The following JADE2 variants were observed in gnomAD, a reference collection of about 807,000 sequenced individuals.
The protein encoded by JADE2 is jade family PHD finger 2, also known as E3 ubiquitin-protein ligase Jade-2.
In JADE2, 13 loss-of-function variants were observed where a neutral mutation model predicts 85.7. That is an observed-to-expected ratio of 0.15 (90% CI 0.10 to 0.24). JADE2 has a LOEUF of 0.24. JADE2 is among the 10% of genes least tolerant of loss of function. The pLI is 1.00. For synonymous variants in JADE2, 440 were observed against 456.1 expected (o/e 0.96, Z 0.45); for missense variants, 846 against 1,115.9 (o/e 0.76, Z 3.45).
chr5:134,573,536 G>A (rs915794711), intron 9 of JADE2, 109 bp from the exon 10 acceptor site: 61 of 777,424 alleles, frequency 7.8e-5, no homozygotes, highest in Middle Eastern at 2.7e-4. Context: ...AGGCTGTGGC[G>A]GTAGCCTGTG....
rs1285664939 is a variant in JADE2, at chr5:134,533,067, G to A, written c.1-2791G>A. On this transcript the variant is annotated intron_variant, in intron 1 of 11. Transcript: ENST00000681547. ...ACAGGGTTAGATGGGGAATTGGCTT[G>A]GTGCGGGGTGTAGGTCTGCATGCTG... 2.0e-5 allele frequency among the ~76,000 whole-genome samples: 3 copies of A among 152,314 alleles called. No homozygotes were observed. In the East Asian group the frequency reaches 5.8e-4, roughly 29 times the overall value.
intron 10 of JADE2, among the ~76,000 whole-genome samples, chr5:134,576,192 C>G (rs1286347499): frequency 6.6e-6 from 1 of 152,028 alleles, no homozygotes. Flanking sequence ...GAGCAAGACT[C>G]TCTCTCAAAA....
chr5:134,573,812 C>T (rs370586989), intron 10 of JADE2, 50 bp downstream of exon 10: 56 of 1,151,728 alleles, frequency 4.9e-5, no homozygotes, highest in South Asian at 7.3e-5. Flanking sequence ...CCCTCTCTTG[C>T]GGGGCTGGGT....
At chr5:134,529,180 C>G (rs1307938699) in intron 1 of JADE2, among the ~76,000 whole-genome samples, 1 of 152,208 alleles carries the variant, frequency 6.6e-6, no homozygotes, top group Admixed American at 6.5e-5. Flanking sequence ...ATGCAGCAGG[C>G]TTTTTGGGAC....
In JADE2 at chr5:134,566,054, C is replaced by T. The variant is rs1001861358; in HGVS notation, c.970-62C>T. ...CAGTAGAGCCCTGGGGGAAGCCCCT[C>T]TGTCTTCTCCCCTCCCACCAGGCTC... On this transcript the variant is annotated intron_variant, in intron 8 of 11. Coordinates refer to ENST00000681547, the MANE Select transcript of JADE2 (RefSeq NM_001388185.1). This position sits in a 1 kb window ranked among gnomAD's most constrained non-coding sequence, Gnocchi z 6.7. The T allele has an allele frequency of 1.4e-6, 2 of 1,408,072 alleles. No homozygotes were observed. The highest frequency in any genetic ancestry group is 1.8e-5 in the Admixed American group (1 of 54,696). 87.2% of individuals were successfully genotyped at this position (1,408,072 alleles called of 1,614,324 possible).
At chr5:134,537,923 C>A in intron 2 of JADE2, 66 bp from the exon 3 acceptor site, 1 of 1,194,760 alleles carries the variant, frequency 8.4e-7, no homozygotes, top group Non-Finnish European at 1.2e-6. Flanking sequence ...GCTTCCTATT[C>A]TTGGGCATGA....
At position 134,525,952 on chromosome 5, in the gene JADE2, G is replaced by T. The variant is rs757467070; in HGVS notation, c.-60G>T. 2.8e-3 allele frequency: 2,741 copies of T among 985,930 alleles called. 5 individuals carry two copies. Among genetic ancestry groups the T allele is most frequent in the Non-Finnish European group, 3.2e-3 (2,623 of 830,590 alleles). The allele number at this position is 985,930 out of a possible 1,614,324, so 61.1% of individuals were successfully genotyped here. On this transcript the variant is annotated 5_prime_UTR_variant, in exon 1 of 12. Transcript: ENST00000681547. ...GCTTCGGGAGCATCCTTCCCGCGCC[G>T]GTCCCTGCAGCGGCGCGTAGCCGAG...
Position 134,525,825 on chromosome 5 carries a change from G to A in JADE2, c.-187G>A. ...CTGCGGGCCGACCGTCCCCGGCGGG[G>A]GGCGTGGGGCCTGGGACGCCGCGGG... is the stretch of plus-strand genomic sequence containing the variant. On this transcript the variant is annotated 5_prime_UTR_variant, in exon 1 of 12. Coordinates refer to ENST00000681547, the MANE Select transcript of JADE2 (RefSeq NM_001388185.1). The A allele has an allele frequency of 5.9e-6, 6 of 1,011,540 alleles. No individual in the cohort carries two copies. The highest frequency in any genetic ancestry group is 7.1e-6 in the Non-Finnish European group (6 of 844,502). The allele number at this position is 1,011,540 out of a possible 1,614,324, so 62.7% of individuals were successfully genotyped here.
At chr5:134,536,233 A>G (rs902456105) in intron 2 of JADE2, among the ~76,000 whole-genome samples, 1 of 152,156 alleles carries the variant, frequency 6.6e-6, no homozygotes, top group Non-Finnish European at 1.5e-5. Flanking sequence ...GAAGGTCCAT[A>G]TAGAAAGTCT....
In JADE2 at chr5:134,526,182, T is replaced by A. The variant is rs998079023; in HGVS notation, c.-1+171T>A. The A allele has an allele frequency of 8.1e-6, 8 of 985,326 alleles. No individual in the cohort carries two copies. The South Asian group carries it at 3.3e-4, about 41-fold the overall frequency. The allele number at this position is 985,326 out of a possible 1,614,324, so 61.0% of individuals were successfully genotyped here. On this transcript the variant is annotated intron_variant, in intron 1 of 11. Transcript: ENST00000681547. ...GAAGCCAGCGCGGAGAGGGGGGGGA[T>A]GCACAGCACAGGGGAGAGAGATTGC...
intron 10 of JADE2, chr5:134,574,114 G>T: frequency 5.7e-6 from 2 of 351,496 alleles, no homozygotes; most frequent in Non-Finnish European, 1.1e-5. Flanking sequence ...GGCAGGAAGG[G>T]CCAGAAGCTG....
chr5:134,543,200 G>A (rs58031133), intron 3 of JADE2, among the ~76,000 whole-genome samples: 104,787 of 151,448 alleles, frequency 0.69, 36,633 homozygotes, highest in African/African-American at 0.76. Context: ...ATGCCTGGCT[G>A]ATTTTTGTAT....
At position 134,578,758 on chromosome 5, in the gene JADE2, AACC is replaced by A. The variant is rs527326162; in HGVS notation, c.1962_1964del (p.Pro655del). 6 of 1,613,388 alleles carry A rather than the reference AACC, an allele frequency of 3.7e-6. No homozygotes were observed. The highest frequency in any genetic ancestry group is 2.2e-5 in the East Asian group (1 of 44,864). ...CGCACCCGCCTGCCTGCCAAGAAGA[AACC>A]ACCACCACCACCACCGCAGGACGGG... On this transcript the variant is annotated inframe_deletion, in exon 12 of 12. Coordinates refer to ENST00000681547, the MANE Select transcript of JADE2 (RefSeq NM_001388185.1). This position sits in a 1 kb window ranked among gnomAD's most constrained non-coding sequence, Gnocchi z 4.4.
intron 10 of JADE2, among the ~76,000 whole-genome samples, chr5:134,576,011 G>A (rs1375086589): frequency 6.6e-6 from 1 of 152,122 alleles, no homozygotes; most frequent in Non-Finnish European, 1.5e-5. Flanking sequence ...GACCAGTCTG[G>A]GCAAAATAGC....
At chr5:134,569,144 C>T (rs1359058239) in intron 9 of JADE2, among the ~76,000 whole-genome samples, 2 of 152,242 alleles carry the variant, frequency 1.3e-5, no homozygotes, top group East Asian at 3.8e-4. Context: ...GGGGACAAAG[C>T]TTAGCACAGT....
intron 3 of JADE2, among the ~76,000 whole-genome samples, chr5:134,550,229 T>C (rs1329617432): frequency 1.3e-5 from 2 of 152,254 alleles, no homozygotes; most frequent in East Asian, 1.9e-4. Context: ...TAAATTATAT[T>C]GGCAAGTAAA....
At chr5:134,547,207 A>G (rs1762344950) in intron 3 of JADE2, among the ~76,000 whole-genome samples, 1 of 152,218 alleles carries the variant, frequency 6.6e-6, no homozygotes, top group South Asian at 2.1e-4. Flanking sequence ...GTTTCTGGAG[A>G]AGCGTCCCTA....
In JADE2 at chr5:134,525,845, C is replaced by T. The variant is rs1385389277; in HGVS notation, c.-167C>T. ...GCGGGGGGCGTGGGGCCTGGGACGC[C>T]GCGGGCCCGGCCGCCTCCCTCGCCG... On this transcript the variant is annotated 5_prime_UTR_variant, in exon 1 of 12. Coordinates refer to ENST00000681547, the MANE Select transcript of JADE2 (RefSeq NM_001388185.1). 1 of 992,342 alleles carries T rather than the reference C, an allele frequency of 1.0e-6. No individual in the cohort carries two copies. The highest frequency in any genetic ancestry group is 1.1e-4 in the East Asian group (1 of 8,902). The allele number at this position is 992,342 out of a possible 1,614,324, so 61.5% of individuals were successfully genotyped here. A position where few individuals can be genotyped will look rare whatever the true frequency, so the allele number is the denominator to read the frequency against.
chr5:134,575,990 CAA>C (rs1433397528), intron 10 of JADE2, among the ~76,000 whole-genome samples: 3 of 152,038 alleles, frequency 2.0e-5, no homozygotes, highest in African/African-American at 7.2e-5. Context: ...TACTGGAGCC[CAA>C]GAGTTCAAGA....
Sources: allele counts gnomAD v4.1 joint callset (sites outside exome capture counted in the v4.1 genomes callset), GRCh38; gene constraint gnomAD v4.1.1; non-coding constraint Gnocchi (gnomAD v3.1); transcripts MANE v1.5; gene names NCBI Gene and HGNC (gene_info 2026-07-23, HGNC 2026-07-21).